Variants in MSH4 observed in about 807,000 individuals in gnomAD.
The protein encoded by MSH4 is mutS protein homolog 4.
Under a neutral mutation model 113.7 loss-of-function variants are expected in MSH4, and 106 were observed. The observed-to-expected ratio is 0.93, with a 90% confidence interval of 0.80 to 1.10. MSH4 has a LOEUF of 1.10. MSH4 is among the 50% of genes least tolerant of loss of function. The pLI is 0.00. For missense variants in MSH4, 1,061 were observed against 1,093.7 expected (o/e 0.97, Z 0.42); for synonymous variants, 368 against 380.2 (o/e 0.97, Z 0.37).
At chr1:75,897,825 A>G (rs1260971679) in intron 17 of MSH4, 82 bp from the exon 18 acceptor site, 1 of 942,910 alleles carries the variant, frequency 1.1e-6, no homozygotes, top group East Asian at 3.2e-5. Context: ...ATTAAACTAA[A>G]ATTTTATGTT....
In MSH4 at chr1:75,882,663, T is replaced by TAAAAAA. The variant is rs35936506; in HGVS notation, c.1907-937_1907-932dup. ...GGGCAACATAGCTAGACCTCATTTC[T>TAAAAAA]AAAAAAAAAAAAAAAAAAAAAAAAA... On this transcript the variant is annotated intron_variant, in intron 14 of 19. Coordinates refer to ENST00000263187, the MANE Select transcript of MSH4 (RefSeq NM_002440.4). 1.1e-3 allele frequency among the ~76,000 whole-genome samples: 139 copies of TAAAAAA among 123,786 alleles called. 4 individuals are homozygous for TAAAAAA. Among genetic ancestry groups the TAAAAAA allele is most frequent in the African/African-American group, 3.9e-3 (130 of 33,468 alleles). The allele number at this position is 123,786 out of a possible 152,430, so 81.2% of individuals were successfully genotyped here. A position where few individuals can be genotyped will look rare whatever the true frequency, so the allele number is the denominator to read the frequency against.
intron 19 of MSH4, among the ~76,000 whole-genome samples, chr1:75,909,333 A>G (rs1652737341): frequency 6.6e-6 from 1 of 151,966 alleles, no homozygotes; most frequent in South Asian, 2.1e-4. Context: ...TCTCCCAACT[A>G]TCATTTCAGC....
At chr1:75,804,733 A>G (rs189433699) in intron 2 of MSH4, among the ~76,000 whole-genome samples, 1 of 150,820 alleles carries the variant, frequency 6.6e-6, no homozygotes, top group Non-Finnish European at 1.5e-5. Flanking sequence ...CTGGTCTCGA[A>G]CTCCTGACCT....
At chr1:75,885,059 G>GTATATATATATATATATATATATA (rs1198722667) in intron 15 of MSH4, among the ~76,000 whole-genome samples, 25 of 112,526 alleles carry the variant, frequency 2.2e-4, no homozygotes, top group African/African-American at 8.1e-4. Context: ...GTGTGTGTGT[G>GTATATATATATATATATATATATA]TATATATATA....
chr1:75,847,263 C>T (rs5745403), intron 7 of MSH4, among the ~76,000 whole-genome samples: 6,061 of 152,162 alleles, frequency 0.04, 146 homozygotes, highest in Non-Finnish European at 0.04. Flanking sequence ...ATATTCAAAC[C>T]GTAGCACAAG....
Position 75,912,678 on chromosome 1 carries a change from T to C in MSH4, c.2620-18T>C. ...TATTTGTGTATATATATATATATTT[T>C]TTTTTTTTCAATGACAGCAAAACCA... On this transcript the variant is annotated intron_variant, in intron 19 of 19. Coordinates refer to ENST00000263187, the MANE Select transcript of MSH4 (RefSeq NM_002440.4). The C allele has an allele frequency of 8.0e-7, 1 of 1,247,970 alleles. No homozygotes were observed. Among genetic ancestry groups the C allele is most frequent in the Non-Finnish European group, 1.1e-6 (1 of 951,400 alleles). 77.3% of individuals were successfully genotyped at this position (1,247,970 alleles called of 1,614,324 possible).
chr1:75,888,085 A>G (rs928314153), intron 15 of MSH4, among the ~76,000 whole-genome samples: 2 of 150,064 alleles, frequency 1.3e-5, no homozygotes, highest in Non-Finnish European at 3.0e-5. Context: ...TATAATTACT[A>G]CTGTTATGAT....
chr1:75,797,773 CTATCTCT>C (rs1016969092), intron 1 of MSH4, among the ~76,000 whole-genome samples: 2 of 152,104 alleles, frequency 1.3e-5, no homozygotes, highest in Non-Finnish European at 2.9e-5. Context: ...CCCCCATCCC[CTATCTCT>C]ACTAAAAGTA....
At position 75,822,450 on chromosome 1, in the gene MSH4, C is replaced by T; in HGVS notation, c.1031C>T (p.Thr344Ile). 1 of 1,581,720 alleles carries T rather than the reference C, an allele frequency of 6.3e-7. No individual in the cohort carries two copies. The highest frequency in any genetic ancestry group is 2.3e-5 in the East Asian group (1 of 43,238). The change falls in exon 7 of 20, where the codon ACT (threonine) becomes ATT (isoleucine). Residue 344 changes from threonine to isoleucine, a missense_variant. Transcript: ENST00000263187. ...TTTGGTGTTCTAAATTATACTAAGACTCCTGGAGGGAGTAGACGACTTCGT... is the reference window on the plus strand; with the variant it reads ...TTTGGTGTTCTAAATTATACTAAGATTCCTGGAGGGAGTAGACGACTTCGT... ...TLFGVLNYTKTPGGSRRLRSN... is the reference protein window; with the variant it reads ...TLFGVLNYTKIPGGSRRLRSN...
intron 19 of MSH4, among the ~76,000 whole-genome samples, chr1:75,907,699 T>TATATATATATATATATAC (rs1652696367): frequency 8.2e-6 from 1 of 122,510 alleles, no homozygotes; most frequent in Non-Finnish European, 1.7e-5. Context: ...CATATATATA[T>TATATATATATATATATAC]ATATATATAT....
At chr1:75,804,259 A>C (rs763037228) in intron 2 of MSH4, among the ~76,000 whole-genome samples, 17 of 152,050 alleles carry the variant, frequency 1.1e-4, no homozygotes, top group Non-Finnish European at 1.8e-4. Flanking sequence ...TTTAATTTTT[A>C]TCTAAATCTA....
intron 17 of MSH4, among the ~76,000 whole-genome samples, chr1:75,895,654 T>A (rs5745526): frequency 7.0e-4 from 106 of 152,272 alleles, no homozygotes; most frequent in African/African-American, 2.4e-3. Context: ...TAATGTAACA[T>A]AAGATGTGTT....
intron 9 of MSH4, among the ~76,000 whole-genome samples, chr1:75,873,027 A>C (rs1423967540): frequency 6.6e-6 from 1 of 152,276 alleles, no homozygotes; most frequent in Non-Finnish European, 1.5e-5. Context: ...CTAGTGCAGC[A>C]GACACACGTA....
intron 16 of MSH4, among the ~76,000 whole-genome samples, chr1:75,889,668 C>A (rs535433938): frequency 2.0e-5 from 3 of 151,992 alleles, no homozygotes; most frequent in Non-Finnish European, 2.9e-5. Context: ...TGGTTCAGTA[C>A]CATTTTGCAT....
chr1:75,822,669 T>A, intron 7 of MSH4, 88 bp downstream of exon 7: 1 of 662,166 alleles, frequency 1.5e-6, no homozygotes, highest in Non-Finnish European at 2.3e-6. Flanking sequence ...GAAAGACAAG[T>A]AGTGAAGGTG....
intron 8 of MSH4, among the ~76,000 whole-genome samples, chr1:75,855,038 T>C (rs1466773284): frequency 6.6e-6 from 1 of 152,126 alleles, no homozygotes; most frequent in Non-Finnish European, 1.5e-5. Context: ...TATTAGTTTT[T>C]TTTTTTCTTT....
intron 9 of MSH4, among the ~76,000 whole-genome samples, chr1:75,867,815 T>G (rs1651621555): frequency 6.6e-6 from 1 of 152,104 alleles, no homozygotes; most frequent in Non-Finnish European, 1.5e-5. Flanking sequence ...ACTAAGTACT[T>G]AGGAGACTAA....
At chr1:75,840,684 A>T (rs200020675) in intron 7 of MSH4, among the ~76,000 whole-genome samples, 2 of 86,658 alleles carry the variant, frequency 2.3e-5, no homozygotes, top group Non-Finnish European at 6.1e-5. Context: ...TAAAATAAAA[A>T]ATAAAATAAA....
chr1:75,806,934 T>C (rs1209779895), intron 2 of MSH4, 47 bp from the exon 3 acceptor site: 1 of 1,464,234 alleles, frequency 6.8e-7, no homozygotes, highest in African/African-American at 1.5e-5. Context: ...AAAAAAGAAA[T>C]GATTATTATC....
Sources: gnomAD v4.1 joint callset for allele counts (sites outside exome capture counted in the v4.1 genomes callset) on GRCh38, gnomAD v4.1.1 for gene constraint, MANE v1.5 for transcripts, NCBI Gene and HGNC (gene_info 2026-07-23, HGNC 2026-07-21) for gene names.